Variants in BMP2K observed in about 807,000 individuals in gnomAD.
The protein encoded by BMP2K is BMP-2-inducible protein kinase.
In BMP2K, 74 loss-of-function variants were observed where a neutral mutation model predicts 116.0. That is an observed-to-expected ratio of 0.64 (90% CI 0.53 to 0.77). The LOEUF (loss-of-function observed/expected upper bound fraction) is 0.77. Ranked by LOEUF, BMP2K falls within the 30% of genes least tolerant of loss-of-function variation. BMP2K has a pLI of 0.00. For missense variants in BMP2K, 1,365 were observed against 1,403.6 expected (o/e 0.97, Z 0.44); for synonymous variants, 486 against 502.5 (o/e 0.97, Z 0.44).
intron 1 of BMP2K, among the ~76,000 whole-genome samples, chr4:78,808,441 A>G (rs1041222096): frequency 2.6e-5 from 4 of 150,968 alleles, no homozygotes; most frequent in Admixed American, 6.6e-5. Flanking sequence ...AATTTTTTTT[A>G]TTTTTACTAG....
At chr4:78,785,133 C>T (rs544457080) in intron 1 of BMP2K, among the ~76,000 whole-genome samples, 42 of 152,062 alleles carry the variant, frequency 2.8e-4, no homozygotes, top group Non-Finnish European at 4.6e-4. Context: ...TTTTTCAAGA[C>T]GGAGTCTTGC....
Position 78,872,728 on chromosome 4 carries a change from T to C in BMP2K, c.1723T>C (p.Leu575=). The C allele has an allele frequency of 6.2e-7, 1 of 1,614,162 alleles. No homozygotes were observed. Among genetic ancestry groups the C allele is most frequent in the Middle Eastern group, 1.6e-4 (1 of 6,062 alleles). Residue 575 remains leucine, a synonymous_variant, in exon 13 of 16, where the codon TTA becomes CTA. Coordinates refer to ENST00000502613, the MANE Select transcript of BMP2K (RefSeq NM_198892.2). Reference sequence around the variant, plus strand: ...CTCCCCTCAAGAGTTCTCACCAGCCTTAGTTTCCTACACTTCATCACTTCC... The same window carrying C: ...CTCCCCTCAAGAGTTCTCACCAGCCCTAGTTTCCTACACTTCATCACTTCC... ...LTSPQEFSPA[L]VSYTSSLPAQ...
intron 14 of BMP2K, among the ~76,000 whole-genome samples, chr4:78,886,898 A>G (rs1210225293): frequency 6.6e-6 from 1 of 152,226 alleles, no homozygotes; most frequent in Non-Finnish European, 1.5e-5. Context: ...GAGGACAAGT[A>G]GTATTTAAAT....
intron 15 of BMP2K, among the ~76,000 whole-genome samples, chr4:78,906,978 A>T (rs999673896): frequency 2.0e-5 from 3 of 152,164 alleles, no homozygotes; most frequent in Non-Finnish European, 4.4e-5. Context: ...GAATCATAGT[A>T]TATAAATAAA....
intron 3 of BMP2K, among the ~76,000 whole-genome samples, chr4:78,836,256 A>G (rs1264169929): frequency 6.6e-6 from 1 of 151,978 alleles, no homozygotes; most frequent in South Asian, 2.1e-4. Flanking sequence ...TCTCTACTAA[A>G]AATACAAAAA....
Position 78,819,428 on chromosome 4 carries a change from A to G in BMP2K, c.179-6609A>G, listed in dbSNP as rs139721992. On this transcript the variant is annotated intron_variant, in intron 1 of 15. Transcript: ENST00000502613. Reference sequence around the variant, plus strand: ...TACAAAAGCTACCATTTATGGAATGAATTGTATTAATGCTTTGCATACAGA... The same window carrying G: ...TACAAAAGCTACCATTTATGGAATGGATTGTATTAATGCTTTGCATACAGA... Among the ~76,000 whole-genome samples the G allele has an allele frequency of 3.3e-5, 5 of 152,342 alleles. No individual in the cohort carries two copies. The East Asian group carries it at 9.6e-4, about 29-fold the overall frequency.
Position 78,851,065 on chromosome 4 carries a change from T to G in BMP2K, c.883+9T>G. ...CATACATTGCTTAATAAGTAAGTAT[T>G]TGGGAAAATGTATGAAAATATTGTA... On this transcript the variant is annotated intron_variant, in intron 7 of 15. Coordinates refer to ENST00000502613, the MANE Select transcript of BMP2K (RefSeq NM_198892.2). 6.2e-7 allele frequency: 1 copy of G among 1,603,426 alleles called. No individual in the cohort carries two copies. Among genetic ancestry groups the G allele is most frequent in the Non-Finnish European group, 8.5e-7 (1 of 1,174,286 alleles).
chr4:78,904,958 C>G (rs945981109), intron 15 of BMP2K, among the ~76,000 whole-genome samples: 1 of 151,808 alleles, frequency 6.6e-6, no homozygotes, highest in Admixed American at 6.6e-5. Flanking sequence ...AAAAAACATT[C>G]TTAGTAACTC....
intron 1 of BMP2K, among the ~76,000 whole-genome samples, chr4:78,823,689 A>G (rs1037950321): frequency 6.6e-6 from 1 of 151,426 alleles, no homozygotes; most frequent in Non-Finnish European, 1.5e-5. Context: ...TTATAGGCCT[A>G]CTGATTCAGA....
chr4:78,804,217 A>G (rs997387983), intron 1 of BMP2K, among the ~76,000 whole-genome samples: 3 of 152,148 alleles, frequency 2.0e-5, no homozygotes, highest in Non-Finnish European at 2.9e-5. Context: ...GAATCATATG[A>G]TAATGTGGCC....
At chr4:78,852,766 G>A (rs772138085) in intron 7 of BMP2K, among the ~76,000 whole-genome samples, 65 of 151,858 alleles carry the variant, frequency 4.3e-4, no homozygotes, top group Non-Finnish European at 7.9e-4. Context: ...CCACCATGCT[G>A]GTTTAATTTT....
At position 78,910,746 on chromosome 4, in the gene BMP2K, G is replaced by A; in HGVS notation, c.2199G>A (p.Val733=). The change falls in exon 16 of 16, where the codon GTG becomes GTA. Residue 733 remains valine (V), a synonymous_variant. Coordinates refer to ENST00000502613, the MANE Select transcript of BMP2K (RefSeq NM_198892.2). ...AGAAAACCTCAGTACAGGGTCAAGT[G>A]CAAAAGGGGAATGATGAATCTGAAA... ...TGKKTSVQGQ[V]QKGNDESESD... 1.2e-6 allele frequency: 2 copies of A among 1,613,896 alleles called. No homozygotes were observed. The highest frequency in any genetic ancestry group is 2.2e-5 in the South Asian group (2 of 91,044).
chr4:78,914,967 A>G lies in BMP2K; in HGVS notation c.*2934A>G, dbSNP rs1734918879. ...TGCTTATTTTAATATCACGTCAGTAAAATGTTAGTATTAAAAAGATCAGCT... is the reference window on the plus strand; with the variant it reads ...TGCTTATTTTAATATCACGTCAGTAGAATGTTAGTATTAAAAAGATCAGCT... On this transcript the variant is annotated 3_prime_UTR_variant, in exon 16 of 16. Transcript: ENST00000502613. The G allele has an allele frequency of 6.6e-6, 1 of 151,974 alleles. No individual in the cohort carries two copies. Among genetic ancestry groups the G allele is most frequent in the South Asian group, 2.1e-4 (1 of 4,828 alleles). 9.4% of individuals were successfully genotyped at this position (151,974 alleles called of 1,614,324 possible). A position where few individuals can be genotyped will look rare whatever the true frequency, so the allele number is the denominator to read the frequency against.
chr4:78,788,904 T>TTTG (rs1212773279), intron 1 of BMP2K, among the ~76,000 whole-genome samples: 1 of 151,328 alleles, frequency 6.6e-6, no homozygotes, highest in East Asian at 1.9e-4. Flanking sequence ...TGTTTTTTTT[T>TTTG]TTTTTTTTTT....
At chr4:78,823,298 A>G (rs1187863783) in intron 1 of BMP2K, among the ~76,000 whole-genome samples, 4 of 151,940 alleles carry the variant, frequency 2.6e-5, no homozygotes, top group Non-Finnish European at 5.9e-5. Context: ...GTGAGTAAGA[A>G]TAGGTATATA....
At chr4:78,825,196 C>CAA (rs1729811826) in intron 1 of BMP2K, among the ~76,000 whole-genome samples, 1 of 152,108 alleles carries the variant, frequency 6.6e-6, no homozygotes, top group Non-Finnish European at 1.5e-5. Flanking sequence ...AAGAGTGAAA[C>CAA]TCCATCTCAA....
chr4:78,776,621 C>G lies in BMP2K; in HGVS notation c.78C>G (p.Ala26=), dbSNP rs1727253539. The G allele has an allele frequency of 4.2e-6, 5 of 1,200,804 alleles. No homozygotes were observed. The highest frequency in any genetic ancestry group is 4.1e-6 in the Non-Finnish European group (4 of 964,752). 74.4% of individuals were successfully genotyped at this position (1,200,804 alleles called of 1,614,324 possible). A position where few individuals can be genotyped will look rare whatever the true frequency, so the allele number is the denominator to read the frequency against. The change falls in exon 1 of 16, where the codon GCC becomes GCG. Residue 26 remains alanine, a synonymous_variant. Transcript: ENST00000502613. ...CGGCGGGTGGCGGGGCTGGCGGGGC[C>G]GGGGCCGGGGCCGGCTGCGGCTCCG... ...GGAAGGGAGG[A]GAGAGCGSGG... is the part of the protein sequence containing the mutation.
intron 5 of BMP2K, 30 bp from the exon 6 acceptor site, chr4:78,847,156 ATC>A: frequency 2.6e-6 from 3 of 1,175,596 alleles, no homozygotes; most frequent in Non-Finnish European, 3.5e-6. Flanking sequence ...ATATATATAT[ATC>A]TCCACTCCAT....
chr4:78,825,216 CA>C (rs920222153), intron 1 of BMP2K, among the ~76,000 whole-genome samples: 14 of 151,836 alleles, frequency 9.2e-5, no homozygotes, highest in Non-Finnish European at 1.8e-4. Flanking sequence ...AAAACAAAAA[CA>C]AAAAAACCCA....
Sources: gnomAD v4.1 joint callset for allele counts (sites outside exome capture counted in the v4.1 genomes callset) on GRCh38, gnomAD v4.1.1 for gene constraint, MANE v1.5 for transcripts, NCBI Gene and HGNC (gene_info 2026-07-23, HGNC 2026-07-21) for gene names.